PLAGL1: variants seen among roughly 807,000 people sequenced by gnomAD.
PLAGL1 encodes zinc finger protein PLAGL1.
PLAGL1 carries 1 observed loss-of-function variant against 4.6 expected under a neutral mutation model. The ratio of observed to expected loss-of-function variants is 0.22; its 90% confidence interval spans 0.08 to 1.03. The LOEUF is 1.03. PLAGL1 is among the 50% of genes least tolerant of loss of function. PLAGL1 has a pLI of 0.58. For synonymous variants in PLAGL1, 240 were observed against 237.8 expected (o/e 1.01, Z -0.08); for missense variants, 464 against 570.4 (o/e 0.81, Z 1.90).
rs554510553 is a variant in PLAGL1 at position 143,963,376 on chromosome 6, G to T, written c.-399+1411C>A. On this transcript the variant is annotated intron_variant, in intron 5 of 7. Transcript: ENST00000674357. The surrounding 1 kb of genome is among the most constrained non-coding windows in gnomAD (Gnocchi z 6.1). Reference sequence around the variant, plus strand: ...AAGGTCACATGGTGGGGCTTCAAACGTTAACCCACAGACTTGCTCCTCCTC... The same window carrying T: ...AAGGTCACATGGTGGGGCTTCAAACTTTAACCCACAGACTTGCTCCTCCTC... 2.0e-5 allele frequency among the ~76,000 whole-genome samples: 3 copies of T among 152,138 alleles called. No homozygotes were observed. The highest frequency in any genetic ancestry group is 4.4e-5 in the Non-Finnish European group (3 of 68,030).
At chr6:143,977,262 C>T (rs1786797649) in intron 2 of PLAGL1, among the ~76,000 whole-genome samples, 2 of 151,988 alleles carry the variant, frequency 1.3e-5, no homozygotes, top group Admixed American at 1.3e-4. Flanking sequence ...AGTTCTCCAT[C>T]ATTATAACAT....
rs922062409 is a variant in PLAGL1 at position 143,997,792 on chromosome 6, A to C, written c.-584+10298T>G. ...AGGTGTTGACCAGGAGGTAAATGAG[A>C]GAATTTTATCCTCGATGGATGTAAT... On this transcript the variant is annotated intron_variant, in intron 1 of 7. Transcript: ENST00000674357. The surrounding 1 kb of genome is among the most constrained non-coding windows in gnomAD (Gnocchi z 4.6). Among the ~76,000 whole-genome samples, 1 of 144,950 alleles carries C rather than the reference A, an allele frequency of 6.9e-6. No individual in the cohort carries two copies. Among genetic ancestry groups the C allele is most frequent in the Non-Finnish European group, 1.5e-5 (1 of 67,968 alleles).
Position 143,942,180 on chromosome 6 carries a change from C to T in PLAGL1, c.636G>A (p.Met212Ile). Residue 212 changes from methionine (M) to isoleucine (I), a missense_variant, in exon 8 of 8, where the codon ATG becomes ATA. Coordinates refer to ENST00000674357, the MANE Select transcript of PLAGL1 (RefSeq NM_001317162.2). This position sits in a 1 kb window ranked among gnomAD's most constrained non-coding sequence, Gnocchi z 7.6. ...HTKKTHSQEL[M>I]KESLQTGDLL... ...GGTCTCCGGTCTGCAAGCTCTCTTT[C>T]ATCAGCTCCTGTGAGTGGGTCTTCT... is the stretch of plus-strand genomic sequence containing the variant. The T allele has an allele frequency of 6.2e-7, 1 of 1,614,190 alleles. No homozygotes were observed. The highest frequency in any genetic ancestry group is 1.1e-5 in the South Asian group (1 of 91,076).
Position 143,941,121 on chromosome 6 carries a change from C to T in PLAGL1, c.*303G>A, listed in dbSNP as rs1195094152. 3.2e-5 allele frequency: 7 copies of T among 219,776 alleles called. No homozygotes were observed. The highest frequency in any genetic ancestry group is 5.3e-5 in the Non-Finnish European group (6 of 112,750). The allele number at this position is 219,776 out of a possible 1,614,324, so 13.6% of individuals were successfully genotyped here. A position where few individuals can be genotyped will look rare whatever the true frequency, so the allele number is the denominator to read the frequency against. On this transcript the variant is annotated 3_prime_UTR_variant, in exon 8 of 8. Coordinates refer to ENST00000674357, the MANE Select transcript of PLAGL1 (RefSeq NM_001317162.2). The surrounding 1 kb of genome is among the most constrained non-coding windows in gnomAD (Gnocchi z 6.0). ...TAGTTAACATTATGATCATGGCTTA[C>T]GATTAAATTCCATATGACAAACACT... is the stretch of plus-strand genomic sequence containing the variant.
chr6:144,041,561 T>C (rs138437628), intron 1 of PLAGL1, among the ~76,000 whole-genome samples: 12,749 of 152,288 alleles, frequency 0.084, 782 homozygotes, highest in Admixed American at 0.21. Flanking sequence ...ATGTGCCACA[T>C]TTTCTTAATC....
intron 1 of PLAGL1, among the ~76,000 whole-genome samples, chr6:144,051,227 T>C (rs780013491): frequency 6.6e-6 from 1 of 152,182 alleles, no homozygotes; most frequent in African/African-American, 2.4e-5. Context: ...ATCCACTCAA[T>C]ACAGGAAACC....
In PLAGL1 at chr6:144,055,511, G is replaced by A. The variant is rs1030696459; in HGVS notation, c.-151+8957C>T. On this transcript the variant is annotated intron_variant, in intron 1 of 3. Coordinates refer to the PLAGL1 transcript ENST00000437412. The surrounding 1 kb of genome is among the most constrained non-coding windows in gnomAD (Gnocchi z 5.0). ...TCTTGTTGCCCTGGGTGCCTCTATC[G>A]TAGGACCCCCAACTACCCTCAAGCC... Among the ~76,000 whole-genome samples, 17 of 152,042 alleles carry A rather than the reference G, an allele frequency of 1.1e-4. No homozygotes were observed. The highest frequency in any genetic ancestry group is 9.2e-4 in the Admixed American group (14 of 15,268).
rs555782377 is a variant in PLAGL1 at position 143,955,938 on chromosome 6, T to G, written c.-325+4531A>C. 1.3e-5 allele frequency among the ~76,000 whole-genome samples: 2 copies of G among 152,142 alleles called. No individual in the cohort carries two copies. Among genetic ancestry groups the G allele is most frequent in the Non-Finnish European group, 2.9e-5 (2 of 68,024 alleles). On this transcript the variant is annotated intron_variant, in intron 6 of 7. Coordinates refer to ENST00000674357, the MANE Select transcript of PLAGL1 (RefSeq NM_001317162.2). The surrounding 1 kb of genome is among the most constrained non-coding windows in gnomAD (Gnocchi z 4.9). ...GTGGTGGCAGAGAGAGGTTTTCTTCTGCATCCCAGAAGAAAAACTCAGCAA... is the reference window on the plus strand; with the variant it reads ...GTGGTGGCAGAGAGAGGTTTTCTTCGGCATCCCAGAAGAAAAACTCAGCAA...
rs775255229 is a variant in PLAGL1, at chr6:143,942,492, C to T, written c.324G>A (p.Arg108=). The change falls in exon 8 of 8, where the codon AGG becomes AGA. Residue 108 remains arginine (R), a synonymous_variant. Transcript: ENST00000674357. The surrounding 1 kb of genome is among the most constrained non-coding windows in gnomAD (Gnocchi z 7.6). The part of the protein sequence containing the change: ...KKYNTMLGYK[R]HLALHAASSG... ...TGCTGGCCGCATGGAGGGCCAGGTG[C>T]CTCTTATAGCCCAGCATGGTGTTGT... 3.7e-6 allele frequency: 6 copies of T among 1,614,040 alleles called. No homozygotes were observed. In the Admixed American group the frequency reaches 5.0e-5, roughly 13 times the overall value.
intron 7 of PLAGL1, among the ~76,000 whole-genome samples, chr6:143,944,010 A>G (rs1779212648): frequency 1.3e-5 from 2 of 152,336 alleles, no homozygotes; most frequent in African/African-American, 4.8e-5. Context: ...AGCATGTCCT[A>G]TGAAACAGAA....
rs1293578743 is a variant in PLAGL1, at chr6:144,063,977, G to C, written c.-151+491C>G. Among the ~76,000 whole-genome samples, 3 of 152,198 alleles carry C rather than the reference G, an allele frequency of 2.0e-5. No homozygotes were observed. Among genetic ancestry groups the C allele is most frequent in the Non-Finnish European group, 4.4e-5 (3 of 68,032 alleles). The stretch of plus-strand genomic sequence containing the variant: ...ACTCAGTCTCTGGGAGACGGGCTAA[G>C]CTGGCACTTGAGATTCTCCCGTTGG... On this transcript the variant is annotated intron_variant, in intron 1 of 3. Coordinates refer to the PLAGL1 transcript ENST00000437412. The surrounding 1 kb of genome is among the most constrained non-coding windows in gnomAD (Gnocchi z 5.7).
chr6:143,988,425 G>A (rs1391645194), intron 1 of PLAGL1, among the ~76,000 whole-genome samples: 2 of 152,212 alleles, frequency 1.3e-5, no homozygotes, highest in African/African-American at 4.8e-5. Context: ...TTAATGGTAG[G>A]TTGGCTCCAC....
At position 144,016,167 on chromosome 6, in the gene PLAGL1, G is replaced by T. The variant is rs1003777966; in HGVS notation, c.-150-47189C>A. On this transcript the variant is annotated intron_variant, in intron 1 of 3. Transcript: ENST00000437412. This position sits in a 1 kb window ranked among gnomAD's most constrained non-coding sequence, Gnocchi z 4.2. The stretch of plus-strand genomic sequence containing the variant: ...GAGTTTATTAAGTATTAACTTACAT[G>T]ATCACAAGGTCCCACAATAGGCTGT... 2.0e-5 allele frequency among the ~76,000 whole-genome samples: 3 copies of T among 152,048 alleles called. No individual in the cohort carries two copies. Among genetic ancestry groups the T allele is most frequent in the African/African-American group, 7.3e-5 (3 of 41,364 alleles).
At chr6:143,986,057 G>A (rs1789087956) in intron 1 of PLAGL1, among the ~76,000 whole-genome samples, 1 of 142,390 alleles carries the variant, frequency 7.0e-6, no homozygotes, top group African/African-American at 2.6e-5. Flanking sequence ...CATTGACCCT[G>A]TTTGGCCCAG....
Position 144,008,202 on chromosome 6 carries a change from A to C in PLAGL1, c.-696T>G, listed in dbSNP as rs1794760295. On this transcript the variant is annotated 5_prime_UTR_variant, in exon 1 of 8. Coordinates refer to ENST00000674357, the MANE Select transcript of PLAGL1 (RefSeq NM_001317162.2). The surrounding 1 kb of genome is among the most constrained non-coding windows in gnomAD (Gnocchi z 6.9). The stretch of plus-strand genomic sequence containing the variant: ...CGCGCGCCAAGGCCCCGCGCTGCTG[A>C]GCTGTGAGCACGGCTGCCCCGTCCG... The C allele has an allele frequency of 6.6e-6, 1 of 151,954 alleles. No homozygotes were observed. The highest frequency in any genetic ancestry group is 1.5e-5 in the Non-Finnish European group (1 of 68,120). The allele number at this position is 151,954 out of a possible 1,614,324, so 9.4% of individuals were successfully genotyped here.
chr6:144,023,696 C>T (rs1053112488), intron 1 of PLAGL1, among the ~76,000 whole-genome samples: 8 of 146,680 alleles, frequency 5.5e-5, no homozygotes, highest in African/African-American at 2.0e-4. Context: ...TACAGATAAG[C>T]AAGAGGGGAA....
At chr6:144,031,248 TTTTC>T (rs1459360352) in intron 1 of PLAGL1, among the ~76,000 whole-genome samples, 1 of 152,234 alleles carries the variant, frequency 6.6e-6, no homozygotes, top group African/African-American at 2.4e-5. Context: ...TTCTGGATAT[TTTTC>T]TTTGTCAGAT....
At position 143,941,539 on chromosome 6, in the gene PLAGL1, G is replaced by C; in HGVS notation, c.1277C>G (p.Pro426Arg). ...SCLGQQQQEP[P>R]LAMGTVSLGQ... ...CAGGCTCACAGTGCCCATGGCAAGT[G>C]GGGGTTCTTGCTGCTGCTGCCCCAG... The change falls in exon 8 of 8, where the codon CCA becomes CGA. Residue 426 changes from proline to arginine, a missense_variant. Transcript: ENST00000674357. This position sits in a 1 kb window ranked among gnomAD's most constrained non-coding sequence, Gnocchi z 6.0. The C allele has an allele frequency of 1.3e-6, 2 of 1,564,148 alleles. No individual in the cohort carries two copies. Among genetic ancestry groups the C allele is most frequent in the Non-Finnish European group, 1.7e-6 (2 of 1,154,692 alleles).
At chr6:144,024,479 G>C (rs1796199800) in intron 1 of PLAGL1, among the ~76,000 whole-genome samples, 1 of 152,142 alleles carries the variant, frequency 6.6e-6, no homozygotes, top group African/African-American at 2.4e-5. Flanking sequence ...GAGATCTGAT[G>C]GTTTTATAAA....
Sources: gnomAD v4.1 joint callset for allele counts (sites outside exome capture counted in the v4.1 genomes callset) on GRCh38, gnomAD v4.1.1 for gene constraint, Gnocchi (gnomAD v3.1) non-coding constraint, MANE v1.5 for transcripts, NCBI Gene and HGNC (gene_info 2026-07-23, HGNC 2026-07-21) for gene names.